ATP5F1D: variants seen among roughly 807,000 people sequenced by gnomAD.
ATP5F1D encodes ATP synthase F(1) complex subunit delta, mitochondrial.
Under a neutral mutation model 13.0 loss-of-function variants are expected in ATP5F1D, and 16 were observed. That is an observed-to-expected ratio of 1.23 (90% CI 0.83 to 1.87). The LOEUF is 1.87. Ranked by LOEUF, ATP5F1D falls within the 40% of genes most tolerant of loss-of-function variation. ATP5F1D has a pLI of 0.00. For synonymous variants in ATP5F1D, 129 were observed against 116.2 expected, an observed-to-expected ratio of 1.11 and a Z score of -0.71; for missense variants, 294 against 246.2, an observed-to-expected ratio of 1.19 and a Z score of -1.30.
At position 1,244,245 on chromosome 19, in the gene ATP5F1D, G is replaced by A. The variant is rs1310459459; in HGVS notation, c.384+60G>A. The A allele has an allele frequency of 4.4e-6, 7 of 1,580,984 alleles. No individual in the cohort carries two copies. In the African/African-American group the frequency reaches 9.4e-5, roughly 21 times the overall value. On this transcript the variant is annotated intron_variant, in intron 3 of 3. Coordinates refer to ENST00000215375, the MANE Select transcript of ATP5F1D (RefSeq NM_001687.5). The stretch of plus-strand genomic sequence containing the variant: ...TGGAGCTGTCCAGGCTGCGGGGGAG[G>A]GAGCGCTGGGGGACCAGGAGCCGGG...
At chr19:1,242,759 G>A in intron 2 of ATP5F1D, 150 bp downstream of exon 2, 2 of 1,007,510 alleles carry the variant, frequency 2.0e-6, no homozygotes, top group Non-Finnish European at 2.7e-6. Context: ...GGAGGCCGAG[G>A]CAGGTGGATC....
chr19:1,244,566 TG>T lies in ATP5F1D; in HGVS notation c.*130del. On this transcript the variant is annotated 3_prime_UTR_variant, in exon 4 of 4. Transcript: ENST00000215375. ...TGCCAAGGAGGCCACCAGAGGGCAG[TG>T]CAGGCTTCTGCCTGGGCCCCAGGCC... 1 of 1,368,446 alleles carries T rather than the reference TG, an allele frequency of 7.3e-7. No homozygotes were observed. Among genetic ancestry groups the T allele is most frequent in the South Asian group, 1.5e-5 (1 of 67,346 alleles). The allele number at this position is 1,368,446 out of a possible 1,614,324, so 84.8% of individuals were successfully genotyped here. A position where few individuals can be genotyped will look rare whatever the true frequency, so the allele number is the denominator to read the frequency against.
chr19:1,244,664 C>G lies in ATP5F1D; in HGVS notation c.*227C>G, dbSNP rs1249047392. The G allele has an allele frequency of 4.7e-6, 3 of 636,528 alleles. No individual in the cohort carries two copies. In the African/African-American group the frequency reaches 5.6e-5, roughly 12 times the overall value. The allele number at this position is 636,528 out of a possible 1,614,324, so 39.4% of individuals were successfully genotyped here. On this transcript the variant is annotated 3_prime_UTR_variant, in exon 4 of 4. Transcript: ENST00000215375. ...TCAGCTTTGAGCTGTGGCTGCCACCCATGGGGCTCTCCTTCCGCCTCTCAA... is the reference window on the plus strand; with the variant it reads ...TCAGCTTTGAGCTGTGGCTGCCACCGATGGGGCTCTCCTTCCGCCTCTCAA...
chr19:1,242,422 G>A lies in ATP5F1D; in HGVS notation c.142-34G>A, dbSNP rs762923588. The A allele has an allele frequency of 1.0e-5, 15 of 1,475,704 alleles. 1 individual carries two copies. The South Asian group carries it at 1.7e-4, about 17-fold the overall frequency. The allele number at this position is 1,475,704 out of a possible 1,614,324, so 91.4% of individuals were successfully genotyped here. A position where few individuals can be genotyped will look rare whatever the true frequency, so the allele number is the denominator to read the frequency against. Reference sequence around the variant, plus strand: ...TGCCCGGTGGGCGCGGGGCCGGCCTGCCCCGCCATCATTCCCCACGCTGTT... The same window carrying A: ...TGCCCGGTGGGCGCGGGGCCGGCCTACCCCGCCATCATTCCCCACGCTGTT... On this transcript the variant is annotated intron_variant, in intron 1 of 3. Coordinates refer to ENST00000215375, the MANE Select transcript of ATP5F1D (RefSeq NM_001687.5).
intron 1 of ATP5F1D, 131 bp downstream of exon 1, chr19:1,242,122 T>C (rs535406697): frequency 2.6e-6 from 3 of 1,166,410 alleles, no homozygotes; most frequent in Admixed American, 4.2e-5. Flanking sequence ...TACTCAGCCC[T>C]GGACCCTCGG....
rs764213151 is a variant in ATP5F1D, at chr19:1,244,481, A to G, written c.*44A>G. ...CCCGAGGCCCGGCCAGGGGCTGGGC[A>G]GGGATGCCAGGTGGGCCCAGCCAGC... On this transcript the variant is annotated 3_prime_UTR_variant, in exon 4 of 4. Coordinates refer to ENST00000215375, the MANE Select transcript of ATP5F1D (RefSeq NM_001687.5). 7 of 1,533,652 alleles carry G rather than the reference A, an allele frequency of 4.6e-6. No individual in the cohort carries two copies. Among genetic ancestry groups the G allele is most frequent in the South Asian group, 1.2e-5 (1 of 83,124 alleles).
At chr19:1,243,679 T>A (rs1290288422) in intron 2 of ATP5F1D, among the ~76,000 whole-genome samples, 3 of 151,848 alleles carry the variant, frequency 2.0e-5, no homozygotes, top group Admixed American at 2.0e-4. Flanking sequence ...CAAAAAACCA[T>A]GTTGGGAGGG....
At chr19:1,242,862 C>T (rs2081044658) in intron 2 of ATP5F1D, 1 of 302,472 alleles carries the variant, frequency 3.3e-6, no homozygotes, top group South Asian at 9.8e-5. Flanking sequence ...TGCGGTGGCT[C>T]CCGCCTGTAA....
rs892955096 is a variant in ATP5F1D at position 1,244,680 on chromosome 19, C to T, written c.*243C>T. 2.6e-5 allele frequency: 15 copies of T among 576,384 alleles called. No homozygotes were observed. The highest frequency in any genetic ancestry group is 1.3e-4 in the East Asian group (4 of 30,530). The allele number at this position is 576,384 out of a possible 1,614,324, so 35.7% of individuals were successfully genotyped here. On this transcript the variant is annotated 3_prime_UTR_variant, in exon 4 of 4. Coordinates refer to ENST00000215375, the MANE Select transcript of ATP5F1D (RefSeq NM_001687.5). The stretch of plus-strand genomic sequence containing the variant: ...GCTGCCACCCATGGGGCTCTCCTTC[C>T]GCCTCTCAAGATCCCCCCAGCCTGA...
At chr19:1,243,754 T>G (rs1302415498) in intron 2 of ATP5F1D, among the ~76,000 whole-genome samples, 1 of 152,242 alleles carries the variant, frequency 6.6e-6, no homozygotes, top group East Asian at 1.9e-4. Context: ...CCTCACTGGT[T>G]TCCAGTGGTG....
At position 1,244,345 on chromosome 19, in the gene ATP5F1D, G is replaced by A; in HGVS notation, c.415G>A (p.Ala139Thr). The change falls in exon 4 of 4, where the codon GCG becomes ACG. Residue 139 changes from alanine (A) to threonine (T), a missense_variant. By Grantham distance (58) the Ala-to-Thr change is moderately conservative (BLOSUM62 0). Transcript: ENST00000215375. ...CAAGGCAAACTTGGAGAAGGCCCAG[G>A]CGGAGCTGGTGGGGACAGCTGACGA... ...AAKANLEKAQ[A>T]ELVGTADEAT... is the part of the protein sequence containing the mutation. 1.3e-6 allele frequency: 2 copies of A among 1,591,828 alleles called. No homozygotes were observed. Among genetic ancestry groups the A allele is most frequent in the Non-Finnish European group, 1.7e-6 (2 of 1,169,736 alleles).
intron 2 of ATP5F1D, among the ~76,000 whole-genome samples, chr19:1,243,791 G>C (rs1418575939): frequency 6.6e-6 from 1 of 152,194 alleles, no homozygotes; most frequent in East Asian, 1.9e-4. Context: ...GCTTGCCTTT[G>C]GCCCTGACCC....
Position 1,244,312 on chromosome 19 carries a change from C to A in ATP5F1D, c.385-3C>A. On this transcript the variant is annotated splice_region_variant and splice_polypyrimidine_tract_variant and intron_variant, in intron 3 of 3. Coordinates refer to ENST00000215375, the MANE Select transcript of ATP5F1D (RefSeq NM_001687.5). ...CCCCTCACCGCCCCTCAACCCCTTG[C>A]AGGCAGCCAAGGCAAACTTGGAGAA... The A allele has an allele frequency of 6.3e-7, 1 of 1,593,036 alleles. No homozygotes were observed. Among genetic ancestry groups the A allele is most frequent in the South Asian group, 1.1e-5 (1 of 88,076 alleles).
rs2277747 is a variant in ATP5F1D at position 1,244,080 on chromosome 19, C to A, written c.296-17C>A. On this transcript the variant is annotated splice_polypyrimidine_tract_variant and intron_variant, in intron 2 of 3. Coordinates refer to ENST00000215375, the MANE Select transcript of ATP5F1D (RefSeq NM_001687.5). ...CCCTTTGGGGTCTCACGCCTTCCCC[C>A]CGCCCCATTCCCCCAGTGAGCAGCG... The A allele has an allele frequency of 2.5e-6, 4 of 1,603,266 alleles. No homozygotes were observed. In the East Asian group the frequency reaches 9.1e-5, roughly 36 times the overall value.
chr19:1,243,944 C>G, intron 2 of ATP5F1D, 153 bp from the exon 3 acceptor site: 1 of 746,800 alleles, frequency 1.3e-6, no homozygotes. Flanking sequence ...GGGCCCAGGG[C>G]CAGTCCTGTG....
At chr19:1,242,392 C>T in intron 1 of ATP5F1D, 64 bp from the exon 2 acceptor site, 1 of 1,441,728 alleles carries the variant, frequency 6.9e-7, no homozygotes, top group Non-Finnish European at 9.2e-7. Flanking sequence ...GCAGGACAGG[C>T]CGAGTGCCCG....
rs574201337 is a variant in ATP5F1D, at chr19:1,244,651, T to C, written c.*214T>C. On this transcript the variant is annotated 3_prime_UTR_variant, in exon 4 of 4. Transcript: ENST00000215375. The stretch of plus-strand genomic sequence containing the variant: ...GGGAAGCTCCTCCTCAGCTTTGAGC[T>C]GTGGCTGCCACCCATGGGGCTCTCC... 4 of 712,694 alleles carry C rather than the reference T, an allele frequency of 5.6e-6. No individual in the cohort carries two copies. The highest frequency in any genetic ancestry group is 3.6e-5 in the African/African-American group (2 of 55,508). The allele number at this position is 712,694 out of a possible 1,614,324, so 44.1% of individuals were successfully genotyped here. A position where few individuals can be genotyped will look rare whatever the true frequency, so the allele number is the denominator to read the frequency against.
At position 1,244,745 on chromosome 19, in the gene ATP5F1D, G is replaced by A. The variant is rs999034256; in HGVS notation, c.*308G>A. ...TCCCCTCTGCCCTGCAGAGCCAGCC[G>A]CCAAGGTTGACCTCAGCTTCGGAGC... is the stretch of plus-strand genomic sequence containing the variant. On this transcript the variant is annotated 3_prime_UTR_variant, in exon 4 of 4. Coordinates refer to ENST00000215375, the MANE Select transcript of ATP5F1D (RefSeq NM_001687.5). 10 of 341,824 alleles carry A rather than the reference G, an allele frequency of 2.9e-5. No individual in the cohort carries two copies. The East Asian group carries it at 3.5e-4, about 12-fold the overall frequency. 21.2% of individuals were successfully genotyped at this position (341,824 alleles called of 1,614,324 possible).
chr19:1,242,661 C>G, intron 2 of ATP5F1D, 52 bp downstream of exon 2: 1 of 1,433,616 alleles, frequency 7.0e-7, no homozygotes, highest in Non-Finnish European at 9.2e-7. Context: ...CTCCACATCC[C>G]AGGTCAGTCT....
Sources: allele counts gnomAD v4.1 joint callset (sites outside exome capture counted in the v4.1 genomes callset), GRCh38; gene constraint gnomAD v4.1.1; transcripts MANE v1.5; gene names NCBI Gene and HGNC (gene_info 2026-07-23, HGNC 2026-07-21).